Variants in ARHGEF16 observed in about 807,000 individuals in gnomAD.
The protein encoded by ARHGEF16 is Rho guanine exchange factor (GEF) 16.
ARHGEF16 carries 59 observed loss-of-function variants against 74.1 expected under a neutral mutation model. That is an observed-to-expected ratio of 0.80 (90% CI 0.65 to 0.99). The LOEUF is 0.99. Among genes scored for constraint, ARHGEF16 ranks in the 50% least tolerant of loss-of-function variants. The probability of loss-of-function intolerance (pLI) is 0.00; values close to 1 mark genes in which losing one functional copy is unlikely to be tolerated. For missense variants in ARHGEF16, 948 were observed against 986.6 expected, an observed-to-expected ratio of 0.96 and a Z score of 0.52; for synonymous variants, 415 against 412.6, an observed-to-expected ratio of 1.01 and a Z score of -0.07.
chr1:3,457,955 G>A (rs1370854174), intron 1 of ARHGEF16, among the ~76,000 whole-genome samples: 6 of 152,208 alleles, frequency 3.9e-5, no homozygotes, highest in African/African-American at 7.2e-5. Flanking sequence ...GCAGGAAGTC[G>A]CCCAAAAAGT....
In ARHGEF16 at chr1:3,480,473, G is replaced by T. The variant is rs992694417; in HGVS notation, c.2016G>T (p.Arg672=). The T allele has an allele frequency of 1.2e-6, 2 of 1,612,654 alleles. No individual in the cohort carries two copies. ...GGTGGCTCTATGGCGAGAGGCTCCG[G>T]GACGGAGAGACGGGATGGTTCCCCG... ...EDGWLYGERL[R]DGETGWFPED... is the part of the protein sequence containing the mutation. The change falls in exon 15 of 15, where the codon CGG becomes CGT. Residue 672 remains arginine (R), a synonymous_variant. Coordinates refer to ENST00000378378, the MANE Select transcript of ARHGEF16 (RefSeq NM_014448.4).
At chr1:3,463,877 G>A (rs899188003) in intron 2 of ARHGEF16, among the ~76,000 whole-genome samples, 9 of 152,246 alleles carry the variant, frequency 5.9e-5, no homozygotes, top group African/African-American at 1.2e-4. Flanking sequence ...GCAGAGGCTC[G>A]GAAAGGTCGA....
At chr1:3,477,761 GAGTC>G in intron 10 of ARHGEF16, 110 bp from the exon 11 acceptor site, 1 of 964,978 alleles carries the variant, frequency 1.0e-6, no homozygotes, top group East Asian at 2.5e-5. Flanking sequence ...CCAGAGGCAG[GAGTC>G]AGTCCCACCT....
rs1639224437 is a variant in ARHGEF16, at chr1:3,454,690, A to C, written c.-141A>C. On this transcript the variant is annotated 5_prime_UTR_variant, in exon 1 of 15. Transcript: ENST00000378378. ...AGCCAGACCGCGCAGGAAGCGGAGG[A>C]GGCGCCCCGGGCCGGACCGCGCTGC... The C allele has an allele frequency of 6.7e-6, 1 of 149,794 alleles. No homozygotes were observed. The highest frequency in any genetic ancestry group is 1.5e-5 in the Non-Finnish European group (1 of 67,466). The allele number at this position is 149,794 out of a possible 1,614,324, so 9.3% of individuals were successfully genotyped here. A position where few individuals can be genotyped will look rare whatever the true frequency, so the allele number is the denominator to read the frequency against.
At chr1:3,473,992 TGA>T in intron 8 of ARHGEF16, 1 of 243,728 alleles carries the variant, frequency 4.1e-6, no homozygotes, top group South Asian at 5.7e-5. Flanking sequence ...TATATGAGGG[TGA>T]AAGGTGTACA....
chr1:3,462,519 G>C (rs1438740674), intron 1 of ARHGEF16, among the ~76,000 whole-genome samples: 1 of 152,166 alleles, frequency 6.6e-6, no homozygotes, highest in Non-Finnish European at 1.5e-5. Context: ...CAGAGGCTGT[G>C]GTCACTGCCG....
intron 5 of ARHGEF16, 100 bp from the exon 6 acceptor site, chr1:3,469,333 C>A: frequency 7.0e-7 from 1 of 1,418,482 alleles, no homozygotes; most frequent in Non-Finnish European, 9.7e-7. Flanking sequence ...CCCCACCTGC[C>A]CCTGCCACCC....
chr1:3,461,355 G>C (rs867801865), intron 1 of ARHGEF16, among the ~76,000 whole-genome samples: 1 of 152,332 alleles, frequency 6.6e-6, no homozygotes, highest in Non-Finnish European at 1.5e-5. Context: ...CGCTTTGCAC[G>C]CTTTACACTT....
chr1:3,461,712 T>G (rs915650611), intron 1 of ARHGEF16, among the ~76,000 whole-genome samples: 1 of 152,164 alleles, frequency 6.6e-6, no homozygotes, highest in African/African-American at 2.4e-5. Context: ...GCAAAGTGCC[T>G]GGAAACAGAC....
Position 3,480,767 on chromosome 1 carries a change from C to T in ARHGEF16, c.*180C>T. 1.2e-6 allele frequency: 1 copy of T among 867,344 alleles called. No homozygotes were observed. Among genetic ancestry groups the T allele is most frequent in the South Asian group, 1.8e-5 (1 of 55,076 alleles). The allele number at this position is 867,344 out of a possible 1,614,324, so 53.7% of individuals were successfully genotyped here. On this transcript the variant is annotated 3_prime_UTR_variant, in exon 15 of 15. Coordinates refer to ENST00000378378, the MANE Select transcript of ARHGEF16 (RefSeq NM_014448.4). The stretch of plus-strand genomic sequence containing the variant: ...CTTCACGGAAGGAAGATCACATGTC[C>T]CCAGAGAGGCACCCCCAGGCAAGCT...
chr1:3,464,590 G>A (rs747840326), intron 2 of ARHGEF16, among the ~76,000 whole-genome samples: 3 of 152,188 alleles, frequency 2.0e-5, no homozygotes, highest in African/African-American at 7.2e-5. Context: ...TGGCCCCAGG[G>A]GCGTCCTTCT....
At chr1:3,469,123 C>T (rs971408395) in intron 5 of ARHGEF16, among the ~76,000 whole-genome samples, 187 bp downstream of exon 5, 1 of 152,190 alleles carries the variant, frequency 6.6e-6, no homozygotes, top group Non-Finnish European at 1.5e-5. Context: ...CAGGCCCTGA[C>T]GGAGCCCCTT....
chr1:3,476,615 CCA>C (rs1639883728), intron 10 of ARHGEF16, among the ~76,000 whole-genome samples: 1 of 152,092 alleles, frequency 6.6e-6, no homozygotes, highest in East Asian at 1.9e-4. Flanking sequence ...CCAGAGCCCC[CCA>C]CCCACGATCC....
chr1:3,467,804 G>T lies in ARHGEF16; in HGVS notation c.804+467G>T, dbSNP rs539854463. 2.0e-5 allele frequency among the ~76,000 whole-genome samples: 3 copies of T among 152,266 alleles called. No homozygotes were observed. The East Asian group carries it at 5.8e-4, about 29-fold the overall frequency. ...TCAGTGGAGAGCGTGGCCCGGCATTGGTCCCCATGCTTGGGGGAGATGGCT... is the reference window on the plus strand; with the variant it reads ...TCAGTGGAGAGCGTGGCCCGGCATTTGTCCCCATGCTTGGGGGAGATGGCT... On this transcript the variant is annotated intron_variant, in intron 4 of 14. Transcript: ENST00000378378.
In ARHGEF16 at chr1:3,466,005, C is replaced by T. The variant is rs943412310; in HGVS notation, c.589-143C>T. Reference sequence around the variant, plus strand: ...CCTCTCTTGGCCTCTGCTTGGCGGCCGTGAGGCCCTGTGGAGCTGACATCT... The same window carrying T: ...CCTCTCTTGGCCTCTGCTTGGCGGCTGTGAGGCCCTGTGGAGCTGACATCT... On this transcript the variant is annotated intron_variant, in intron 2 of 14. Transcript: ENST00000378378. 61 of 870,318 alleles carry T rather than the reference C, an allele frequency of 7.0e-5. 1 individual carries two copies. The East Asian group carries it at 1.4e-3, about 21-fold the overall frequency. 53.9% of individuals were successfully genotyped at this position (870,318 alleles called of 1,614,324 possible). A position where few individuals can be genotyped will look rare whatever the true frequency, so the allele number is the denominator to read the frequency against.
Position 3,474,709 on chromosome 1 carries a change from C to T in ARHGEF16, c.1307C>T (p.Thr436Met), listed in dbSNP as rs774192169. 8.1e-6 allele frequency: 13 copies of T among 1,612,574 alleles called. No homozygotes were observed. The highest frequency in any genetic ancestry group is 2.2e-5 in the East Asian group (1 of 44,896). Residue 436 changes from threonine to methionine, a missense_variant and splice_region_variant, in exon 9 of 15, where the codon ACG (threonine) becomes ATG (methionine). Coordinates refer to ENST00000378378, the MANE Select transcript of ARHGEF16 (RefSeq NM_014448.4). The stretch of plus-strand genomic sequence containing the variant: ...GTCCCATGTCTGTTGTCCATCCAGA[C>T]GCTCTGCCTCAAGACCCAGGGCCAC... ...RVTRLPLLMD[T>M]LCLKTQGHSE...
intron 2 of ARHGEF16, 21 bp from the exon 3 acceptor site, chr1:3,466,125 TTC>T: frequency 6.5e-7 from 1 of 1,547,936 alleles, no homozygotes; most frequent in Non-Finnish European, 8.7e-7. Context: ...CAGCTGCGGT[TTC>T]TGTGTCTCTC....
chr1:3,472,463 C>G (rs1322150630), intron 6 of ARHGEF16, among the ~76,000 whole-genome samples: 1 of 152,200 alleles, frequency 6.6e-6, no homozygotes, highest in African/African-American at 2.4e-5. Flanking sequence ...CTTGACTGTT[C>G]CCTCAGAACG....
At chr1:3,460,689 G>A (rs1207735512) in intron 1 of ARHGEF16, among the ~76,000 whole-genome samples, 3 of 152,162 alleles carry the variant, frequency 2.0e-5, no homozygotes, top group Admixed American at 6.5e-5. Flanking sequence ...CTGTGAGCGG[G>A]TGATCCTGGG....
Sources: gnomAD v4.1 joint callset for allele counts (sites outside exome capture counted in the v4.1 genomes callset) on GRCh38, gnomAD v4.1.1 for gene constraint, MANE v1.5 for transcripts, NCBI Gene and HGNC (gene_info 2026-07-23, HGNC 2026-07-21) for gene names.